Variants in DIDO1 observed in about 807,000 individuals in gnomAD.
DIDO1 encodes the protein death inducer-obliterator 1, also known as death-inducer obliterator 1.
In DIDO1, 16 loss-of-function variants were observed where a neutral mutation model predicts 99.4. The ratio of observed to expected loss-of-function variants is 0.16; its 90% confidence interval spans 0.11 to 0.24. DIDO1 has a LOEUF of 0.24. DIDO1 is among the 10% of genes least tolerant of loss of function. DIDO1 has a pLI of 1.00. For synonymous variants in DIDO1, 1,366 were observed against 1,239.1 expected (o/e 1.10, Z -2.15); for missense variants, 2,996 against 3,014.0 (o/e 0.99, Z 0.14).
In DIDO1 at chr20:62,881,621, G is replaced by C. The variant is rs1468007775; in HGVS notation, c.4335C>G (p.Pro1445=). 4 of 1,612,418 alleles carry C rather than the reference G, an allele frequency of 2.5e-6. No individual in the cohort carries two copies. Among genetic ancestry groups the C allele is most frequent in the African/African-American group, 2.7e-5 (2 of 74,908 alleles). Residue 1445 remains proline (P), a synonymous_variant, in exon 16 of 16, where the codon CCC becomes CCG. Coordinates refer to ENST00000395343, the MANE Select transcript of DIDO1 (RefSeq NM_001193369.2). This position sits in a 1 kb window ranked among gnomAD's most constrained non-coding sequence, Gnocchi z 8.3. ...TTCTCACGTCGGCACACATCCTGTT[G>C]GGCAGGTCATCAACAGTCACTTTCG... The part of the protein sequence containing the change: ...EEAKVTVDDL[P]NRMCADVRRN...
intron 6 of DIDO1, among the ~76,000 whole-genome samples, chr20:62,900,972 CTTTACCTGT>C (rs1056862869): frequency 1.1e-4 from 17 of 152,254 alleles, no homozygotes; most frequent in African/African-American, 3.9e-4. Context: ...CAGTTTCCTG[CTTTACCTGT>C]TTCTTCACTC....
chr20:62,881,760 GT>G lies in DIDO1; in HGVS notation c.4195del (p.Thr1399LeufsTer36). 6.2e-7 allele frequency: 1 copy of G among 1,613,290 alleles called. No homozygotes were observed. The highest frequency in any genetic ancestry group is 8.5e-7 in the Non-Finnish European group (1 of 1,180,028). On this transcript the variant is annotated frameshift_variant, in exon 16 of 16. Transcript: ENST00000395343. LOFTEE classifies it low-confidence loss of function (END_TRUNC). The surrounding 1 kb of genome is among the most constrained non-coding windows in gnomAD (Gnocchi z 8.3). ...EEYDPERAFD[T>X]QLVERGRRHE... ...GCGCCGCCCTCGCTCCACAAGCTGA[GT>G]GTCGAAGGCCCTCTCCGGGTCGTAC...
chr20:62,901,897 T>C (rs1456505704), intron 6 of DIDO1, among the ~76,000 whole-genome samples: 1 of 151,774 alleles, frequency 6.6e-6, no homozygotes, highest in Admixed American at 6.6e-5. Flanking sequence ...ATTGGAGGAA[T>C]TGTAGCAGGC....
At position 62,881,970 on chromosome 20, in the gene DIDO1, T is replaced by G. The variant is rs1386227526; in HGVS notation, c.3986A>C (p.Asp1329Ala). The change falls in exon 16 of 16, where the codon GAC becomes GCC. Residue 1329 changes from aspartate to alanine, a missense_variant. Physicochemically the swap from Asp to Ala is moderately radical, Grantham distance 126. This residue lies in a region of DIDO1 where 1,562 missense variants were observed against 1,412.6 expected (regional missense o/e 1.11). Coordinates refer to ENST00000395343, the MANE Select transcript of DIDO1 (RefSeq NM_001193369.2). The surrounding 1 kb of genome is among the most constrained non-coding windows in gnomAD (Gnocchi z 8.3). ...QTLFGKKKSFDPSAREPPGST... is the reference protein window; with the variant it reads ...QTLFGKKKSFAPSAREPPGST... Reference sequence around the variant, plus strand: ...CCCGGGAGGCTCTCTGGCGGACGGGTCGAATGATTTCTTCTTTCCAAAGAG... The same window carrying G: ...CCCGGGAGGCTCTCTGGCGGACGGGGCGAATGATTTCTTCTTTCCAAAGAG... 4 of 1,613,022 alleles carry G rather than the reference T, an allele frequency of 2.5e-6. No homozygotes were observed. Among genetic ancestry groups the G allele is most frequent in the Non-Finnish European group, 3.4e-6 (4 of 1,180,008 alleles).
At position 62,896,433 on chromosome 20, in the gene DIDO1, G is replaced by A. The variant is rs774876575; in HGVS notation, c.2055-41C>T. On this transcript the variant is annotated intron_variant, in intron 7 of 15. Transcript: ENST00000395343. This position sits in a 1 kb window ranked among gnomAD's most constrained non-coding sequence, Gnocchi z 4.4. Reference sequence around the variant, plus strand: ...AAAAGGAACTACATAAGACACTTGTGTATATTAAACTTTTTGAACAGTGAG... The same window carrying A: ...AAAAGGAACTACATAAGACACTTGTATATATTAAACTTTTTGAACAGTGAG... The A allele has an allele frequency of 1.3e-6, 2 of 1,596,714 alleles. No individual in the cohort carries two copies. The highest frequency in any genetic ancestry group is 1.1e-5 in the South Asian group (1 of 87,802).
Position 62,923,860 on chromosome 20 carries a change from C to T in DIDO1, c.-200+2579G>A, listed in dbSNP as rs531658242. Among the ~76,000 whole-genome samples the T allele has an allele frequency of 2.0e-5, 3 of 152,334 alleles. No individual in the cohort carries two copies. In the South Asian group the frequency reaches 6.2e-4, roughly 32 times the overall value. On this transcript the variant is annotated intron_variant, in intron 1 of 15. Transcript: ENST00000395343. ...TGATACCCAAGGAGAGAAATGCCTC[C>T]TTTACAACTTACACACGATTACAAC...
intron 6 of DIDO1, among the ~76,000 whole-genome samples, chr20:62,898,017 G>A (rs1000379138): frequency 6.6e-6 from 1 of 152,194 alleles, no homozygotes; most frequent in African/African-American, 2.4e-5. Flanking sequence ...GGCACCTCCT[G>A]AGGAAAGGCT....
At chr20:62,916,898 T>C (rs906559869) in intron 1 of DIDO1, among the ~76,000 whole-genome samples, 1 of 152,262 alleles carries the variant, frequency 6.6e-6, no homozygotes, top group Non-Finnish European at 1.5e-5. Context: ...TCATGAAAAC[T>C]GACTGCTGTG....
upstream of DIDO1, among the ~76,000 whole-genome samples, chr20:62,929,500 T>C (rs1184942113): frequency 1.3e-5 from 2 of 151,810 alleles, no homozygotes; most frequent in Non-Finnish European, 2.9e-5. Context: ...CGGAACATAG[T>C]TCTTTCTGGC....
chr20:62,904,883 G>C, intron 6 of DIDO1: 1 of 682,682 alleles, frequency 1.5e-6, no homozygotes. Context: ...TAGGGAATCT[G>C]CTCAAAGTCT....
chr20:62,885,407 C>T (rs1296195636), intron 15 of DIDO1, among the ~76,000 whole-genome samples: 4 of 152,182 alleles, frequency 2.6e-5, no homozygotes, highest in African/African-American at 4.8e-5. Context: ...ATCACTGTTA[C>T]GTGGTCCCGT....
chr20:62,883,324 A>G (rs1307004018), intron 15 of DIDO1, among the ~76,000 whole-genome samples: 1 of 152,258 alleles, frequency 6.6e-6, no homozygotes, highest in African/African-American at 2.4e-5. Flanking sequence ...AGCACAAGCC[A>G]TGAGGTCATC....
At position 62,904,412 on chromosome 20, in the gene DIDO1, A is replaced by T. The variant is rs370683467; in HGVS notation, c.1588+1475T>A. 1.8e-4 allele frequency among the ~76,000 whole-genome samples: 28 copies of T among 152,320 alleles called. 1 individual carries two copies. Among genetic ancestry groups the T allele is most frequent in the African/African-American group, 6.7e-4 (28 of 41,578 alleles). Reference sequence around the variant, plus strand: ...CATTTTATGTGCGGCTCAATTTCTTAGGTCTAGGCTGTTTACATGATCAAA... The same window carrying T: ...CATTTTATGTGCGGCTCAATTTCTTTGGTCTAGGCTGTTTACATGATCAAA... On this transcript the variant is annotated intron_variant, in intron 6 of 15. Transcript: ENST00000395343.
intron 6 of DIDO1, 149 bp from the exon 7 acceptor site, chr20:62,897,145 T>C: frequency 2.7e-6 from 2 of 753,270 alleles, no homozygotes; most frequent in East Asian, 2.7e-5. Flanking sequence ...TTGTAAAATG[T>C]TAGTGTTCAG....
intron 1 of DIDO1, among the ~76,000 whole-genome samples, chr20:62,916,401 C>A (rs886603646): frequency 6.6e-6 from 1 of 152,186 alleles, no homozygotes; most frequent in African/African-American, 2.4e-5. Flanking sequence ...AGGACACACA[C>A]TGACTTCCAA....
chr20:62,896,744 G>A lies in DIDO1; in HGVS notation c.1841C>T (p.Ala614Val). The A allele has an allele frequency of 6.2e-7, 1 of 1,613,514 alleles. No homozygotes were observed. The highest frequency in any genetic ancestry group is 8.5e-7 in the Non-Finnish European group (1 of 1,179,624). ...PSSGASAARQAGPAPAAATAA... is the reference protein window; with the variant it reads ...PSSGASAARQVGPAPAAATAA... Reference sequence around the variant, plus strand: ...CGTTGCCGCTGCAGGTGCCGGTCCGGCCTGCCTGGCAGCTGAAGCACCACT... The same window carrying A: ...CGTTGCCGCTGCAGGTGCCGGTCCGACCTGCCTGGCAGCTGAAGCACCACT... Residue 614 changes from alanine (A) to valine (V), a missense_variant, in exon 7 of 16, where the codon GCC becomes GTC. Around this residue, in one of 5 missense-constraint regions of DIDO1, gnomAD observed 898 missense variants for 972.7 expected, o/e 0.92. Coordinates refer to ENST00000395343, the MANE Select transcript of DIDO1 (RefSeq NM_001193369.2). The surrounding 1 kb of genome is among the most constrained non-coding windows in gnomAD (Gnocchi z 4.4).
intron 1 of DIDO1, among the ~76,000 whole-genome samples, chr20:62,925,165 T>C (rs2065228648): frequency 6.6e-6 from 1 of 152,312 alleles, no homozygotes; most frequent in South Asian, 2.1e-4. Context: ...GTAAACGAGT[T>C]GGCAACACCT....
intron 1 of DIDO1, among the ~76,000 whole-genome samples, chr20:62,925,458 T>G (rs1249561605): frequency 6.6e-6 from 1 of 152,174 alleles, no homozygotes; most frequent in African/African-American, 2.4e-5. Flanking sequence ...CCATCTGCCT[T>G]TCCCTCCTCT....
Position 62,880,870 on chromosome 20 carries a change from C to T in DIDO1, c.5086G>A (p.Gly1696Ser), listed in dbSNP as rs1048784817. 5.6e-6 allele frequency: 9 copies of T among 1,612,538 alleles called. No individual in the cohort carries two copies. The highest frequency in any genetic ancestry group is 6.8e-6 in the Non-Finnish European group (8 of 1,179,972). Residue 1696 changes from glycine (G) to serine (S), a missense_variant, in exon 16 of 16, where the codon GGC becomes AGC. By Grantham distance (56) the Gly-to-Ser change is moderately conservative. Transcript: ENST00000395343. Reference sequence around the variant, plus strand: ...CTTGGGTCCTCATACTGGGCTGAGCCGAGAGCCTTGTCCTGCGACGCGAAC... The same window carrying T: ...CTTGGGTCCTCATACTGGGCTGAGCTGAGAGCCTTGTCCTGCGACGCGAAC... ...PGFASQDKAL[G>S]SAQYEDPRNL...
Sources: allele counts gnomAD v4.1 joint callset (sites outside exome capture counted in the v4.1 genomes callset), GRCh38; gene constraint gnomAD v4.1.1; regional missense constraint gnomAD v4.1.1; non-coding constraint Gnocchi (gnomAD v3.1); transcripts MANE v1.5; gene names NCBI Gene and HGNC (gene_info 2026-07-23, HGNC 2026-07-21).